The following NPAS2 variants were observed in gnomAD, a reference collection of about 807,000 sequenced individuals.
NPAS2 encodes neuronal PAS domain protein 2.
A neutral mutation model predicts 107.5 loss-of-function variants in NPAS2; 23 were observed. That is an observed-to-expected ratio of 0.21 (90% confidence interval 0.15 to 0.30). The LOEUF is 0.30. Ranked by LOEUF, NPAS2 falls within the 10% of genes least tolerant of loss-of-function variation. The pLI is 1.00. For missense variants in NPAS2, 756 were observed against 1,043.3 expected, an observed-to-expected ratio of 0.72 and a Z score of 3.79; for synonymous variants, 403 against 417.5, an observed-to-expected ratio of 0.97 and a Z score of 0.42.
At chr2:100,990,091 C>A (rs1678023907) in intron 17 of NPAS2, 165 bp from the exon 18 acceptor site, 3 of 695,444 alleles carry the variant, frequency 4.3e-6, no homozygotes, top group Non-Finnish European at 7.5e-6. Context: ...CAAATACAAT[C>A]CAATGGGGAA....
At chr2:100,994,389 C>A (rs997028822) in intron 20 of NPAS2, 2 of 152,300 alleles carry the variant, frequency 1.3e-5, no homozygotes, top group Admixed American at 6.5e-5. Context: ...TGACCCCACA[C>A]ATAGTGGGAG....
chr2:100,852,160 GT>G (rs1279323949), intron 1 of NPAS2, among the ~76,000 whole-genome samples: 4 of 152,118 alleles, frequency 2.6e-5, no homozygotes, highest in African/African-American at 9.7e-5. Flanking sequence ...ACTTTGGGAG[GT>G]CAAGGCGGGC....
chr2:100,875,461 TACAC>T (rs56331462), intron 1 of NPAS2, among the ~76,000 whole-genome samples: 6,699 of 143,570 alleles, frequency 0.047, 245 homozygotes, highest in African/African-American at 0.095. Context: ...ATTAAAAGCT[TACAC>T]ACACACACAC....
intron 1 of NPAS2, among the ~76,000 whole-genome samples, chr2:100,830,956 T>C (rs1366185436): frequency 9.9e-5 from 15 of 152,044 alleles, no homozygotes; most frequent in Admixed American, 9.8e-4. Context: ...GGAGGTGGGT[T>C]GGAGTGAGGA....
At chr2:100,950,378 C>T (rs1675151539) in intron 7 of NPAS2, among the ~76,000 whole-genome samples, 2 of 152,142 alleles carry the variant, frequency 1.3e-5, no homozygotes, top group Admixed American at 1.3e-4. Flanking sequence ...AGATGAGCTG[C>T]AGAAATGAGG....
intron 1 of NPAS2, among the ~76,000 whole-genome samples, chr2:100,894,825 T>G (rs577229098): frequency 9.2e-5 from 14 of 151,942 alleles, no homozygotes; most frequent in African/African-American, 3.1e-4. Context: ...CAAGATGGAG[T>G]CTGTGGGGAC....
chr2:100,969,822 G>GT (rs777621951), intron 11 of NPAS2, among the ~76,000 whole-genome samples: 87 of 152,122 alleles, frequency 5.7e-4, no homozygotes, highest in Middle Eastern at 3.2e-3. Context: ...TAGCACAGGT[G>GT]TAAGTGTGCA....
chr2:100,874,407 C>T (rs1308239709), intron 1 of NPAS2, among the ~76,000 whole-genome samples: 2 of 152,048 alleles, frequency 1.3e-5, no homozygotes, highest in Admixed American at 6.6e-5. Flanking sequence ...TCTGCTTTAC[C>T]CAAGAAGCTG....
intron 1 of NPAS2, among the ~76,000 whole-genome samples, chr2:100,898,785 TAA>T (rs3042765): frequency 0.5 from 72,083 of 144,120 alleles, 17,944 homozygotes; most frequent in Non-Finnish European, 0.56. Flanking sequence ...GTCTTTCACC[TAA>T]AAAAAAAAAA....
intron 5 of NPAS2, among the ~76,000 whole-genome samples, chr2:100,941,972 T>C (rs985122040): frequency 2.0e-5 from 3 of 152,156 alleles, no homozygotes; most frequent in East Asian, 1.9e-4. Flanking sequence ...ATTTGCCATG[T>C]GCCTAAGTGT....
chr2:100,858,421 C>T (rs543427193), intron 1 of NPAS2, among the ~76,000 whole-genome samples: 137 of 152,326 alleles, frequency 9.0e-4, no homozygotes, highest in African/African-American at 3.1e-3. Context: ...CGTGCACTCT[C>T]ACTTCTATTA....
intron 2 of NPAS2, among the ~76,000 whole-genome samples, chr2:100,922,732 T>G (rs942957122): frequency 6.6e-6 from 1 of 152,170 alleles, no homozygotes; most frequent in African/African-American, 2.4e-5. Context: ...TTCTTTCTCT[T>G]GCCTGATAGC....
intron 14 of NPAS2, chr2:100,977,252 A>G (rs891662042): frequency 2.6e-5 from 5 of 194,392 alleles, no homozygotes; most frequent in Middle Eastern, 4.4e-3. Context: ...ACAAACATGC[A>G]TGGCGTGTCT....
chr2:100,883,215 C>A (rs533018950), intron 1 of NPAS2, among the ~76,000 whole-genome samples: 1 of 152,194 alleles, frequency 6.6e-6, no homozygotes, highest in Admixed American at 6.5e-5. Flanking sequence ...TTTGAACTGA[C>A]CCCAGTCCAA....
intron 13 of NPAS2, 41 bp downstream of exon 13, chr2:100,974,985 C>A (rs1338989868): frequency 5.6e-6 from 9 of 1,607,990 alleles, no homozygotes; most frequent in South Asian, 2.2e-5. Flanking sequence ...ATGTCCACAT[C>A]AGACCAGAGG....
intron 1 of NPAS2, among the ~76,000 whole-genome samples, chr2:100,885,411 G>GAA (rs1372356402): frequency 6.6e-6 from 1 of 152,142 alleles, no homozygotes; most frequent in Non-Finnish European, 1.5e-5. Flanking sequence ...TTGCAAAAAT[G>GAA]AAATTTCTGT....
intron 2 of NPAS2, among the ~76,000 whole-genome samples, chr2:100,921,787 AC>A (rs1683243795): frequency 6.6e-6 from 1 of 152,148 alleles, no homozygotes; most frequent in Admixed American, 6.5e-5. Context: ...ATCAGGTTAA[AC>A]ATACGCTTAG....
In NPAS2 at chr2:100,937,741, C is replaced by A; in HGVS notation, c.274-12C>A. 6.2e-7 allele frequency: 1 copy of A among 1,608,198 alleles called. No individual in the cohort carries two copies. The highest frequency in any genetic ancestry group is 8.5e-7 in the Non-Finnish European group (1 of 1,174,546). On this transcript the variant is annotated splice_polypyrimidine_tract_variant and intron_variant, in intron 4 of 20. Coordinates refer to ENST00000335681, the MANE Select transcript of NPAS2 (RefSeq NM_002518.4). The stretch of plus-strand genomic sequence containing the variant: ...ATTGCTAAGGAGCTTTCAAATGTTG[C>A]ATTTTCCACAGGCATTAGATGGCTT...
At chr2:100,971,741 T>C (rs920009328) in intron 12 of NPAS2, among the ~76,000 whole-genome samples, 8 of 152,222 alleles carry the variant, frequency 5.3e-5, no homozygotes, top group African/African-American at 1.4e-4. Flanking sequence ...GCCAGACGTC[T>C]CTTTGTCCCT....
Sources: allele counts gnomAD v4.1 joint callset (sites outside exome capture counted in the v4.1 genomes callset), GRCh38; gene constraint gnomAD v4.1.1; transcripts MANE v1.5; gene names NCBI Gene and HGNC (gene_info 2026-07-23, HGNC 2026-07-21).